NLGN4X: variants seen among roughly 807,000 people sequenced by gnomAD.
The protein encoded by NLGN4X is neuroligin-4, X-linked.
NLGN4X carries 3 observed loss-of-function variants against 40.3 expected under a neutral mutation model. That is an observed-to-expected ratio of 0.07 (90% CI 0.03 to 0.19). NLGN4X has a LOEUF of 0.19. Among genes scored for constraint, NLGN4X ranks in the 10% least tolerant of loss-of-function variants. The pLI, the probability that NLGN4X is intolerant of heterozygous loss-of-function variation, is 1.00. For missense variants in NLGN4X, 382 were observed against 708.3 expected, an observed-to-expected ratio of 0.54 and a Z score of 5.23; for synonymous variants, 270 against 306.8, an observed-to-expected ratio of 0.88 and a Z score of 1.25.
chrX:5,990,895 A>G (rs1209366966), intron 3 of NLGN4X, among the ~76,000 whole-genome samples: 1 of 112,220 alleles, frequency 8.9e-6, no homozygotes, highest in East Asian at 2.8e-4. Context: ...TGCAGAGTGT[A>G]TCTAGGGCTA....
At chrX:6,215,159 C>A (rs1295378267) in intron 1 of NLGN4X, among the ~76,000 whole-genome samples, 1 of 112,480 alleles carries the variant, frequency 8.9e-6, no homozygotes, top group East Asian at 2.8e-4. Flanking sequence ...TTTAAAATTA[C>A]TTCTAATTTT....
chrX:6,180,668 A>G (rs991257072), intron 1 of NLGN4X, among the ~76,000 whole-genome samples: 3 of 111,557 alleles, frequency 2.7e-5, no homozygotes, highest in Non-Finnish European at 3.8e-5. Context: ...CTAGGTAACT[A>G]GCACTGAATG....
chrX:6,182,491 G>A (rs778241867), intron 1 of NLGN4X, among the ~76,000 whole-genome samples: 3 of 112,145 alleles, frequency 2.7e-5, no homozygotes, highest in South Asian at 7.5e-4. Context: ...TCAATCATAC[G>A]ATTATAGCAT....
intron 3 of NLGN4X, among the ~76,000 whole-genome samples, chrX:5,987,206 TG>T (rs2035554318): frequency 8.9e-6 from 1 of 111,838 alleles, no homozygotes; most frequent in Non-Finnish European, 1.9e-5. Context: ...GTATTATGCA[TG>T]AAAAAAACAC....
intron 2 of NLGN4X, among the ~76,000 whole-genome samples, chrX:6,085,719 G>A (rs1442797586): frequency 8.9e-6 from 1 of 112,411 alleles, no homozygotes; most frequent in Non-Finnish European, 1.9e-5. Flanking sequence ...ACAGGCTTAA[G>A]TAATGCTTTC....
rs139390822 is a variant in NLGN4X, at chrX:6,204,347, C to T, written c.-306+24194G>A. Among the ~76,000 whole-genome samples, 213 of 111,869 alleles carry T rather than the reference C, an allele frequency of 1.9e-3. 2 individuals are homozygous for T. The highest frequency in any genetic ancestry group is 3.5e-3 in the Non-Finnish European group (185 of 53,190). ...ATGGGGAAATAAATAATGCCCAGCA[C>T]GTCAATGAGTTTTTATGGTTGTTGT... On this transcript the variant is annotated intron_variant, in intron 1 of 5. Coordinates refer to ENST00000381095, the MANE Select transcript of NLGN4X (RefSeq NM_181332.3).
intron 3 of NLGN4X, among the ~76,000 whole-genome samples, chrX:5,971,590 T>A (rs2035021019): frequency 8.9e-6 from 1 of 111,750 alleles, no homozygotes; most frequent in Non-Finnish European, 1.9e-5. Flanking sequence ...TGGTAGATGT[T>A]CATTCACCAC....
rs1370177389 is a variant in NLGN4X at position 6,119,154 on chromosome X, C to A, written c.472+31841G>T. ...CTGTCCACTGTGGTCTACTATTTCA[C>A]TACAATTATCAGCACCTAGAAAAGT... On this transcript the variant is annotated intron_variant, in intron 2 of 5. Transcript: ENST00000381095. Among the ~76,000 whole-genome samples, 6 of 112,013 alleles carry A rather than the reference C, an allele frequency of 5.4e-5. No individual in the cohort carries two copies. The Admixed American group carries it at 5.7e-4, about 11-fold the overall frequency.
intron 2 of NLGN4X, among the ~76,000 whole-genome samples, chrX:6,120,128 T>C (rs772854190): frequency 9.0e-6 from 1 of 111,152 alleles, no homozygotes; most frequent in South Asian, 3.9e-4. Context: ...TGAGCCATGA[T>C]TGCACCACTG....
intron 3 of NLGN4X, among the ~76,000 whole-genome samples, chrX:5,987,763 C>A (rs1393982882): frequency 1.8e-5 from 2 of 111,963 alleles, no homozygotes; most frequent in Non-Finnish European, 3.8e-5. Flanking sequence ...TTTCTGTTTT[C>A]CACTTCCTGT....
chrX:5,906,633 C>A (rs1326061279), intron 4 of NLGN4X, among the ~76,000 whole-genome samples: 1 of 111,395 alleles, frequency 9.0e-6, no homozygotes, highest in Non-Finnish European at 1.9e-5. Flanking sequence ...ACCTCAGCCC[C>A]CCAAGTAACT....
intron 1 of NLGN4X, among the ~76,000 whole-genome samples, chrX:6,180,737 G>A (rs1236394648): frequency 2.7e-5 from 3 of 110,573 alleles, no homozygotes; most frequent in Non-Finnish European, 5.7e-5. Context: ...AAAAAAAAAT[G>A]TCTCAGAGTT....
chrX:5,977,778 G>A (rs926734169), intron 3 of NLGN4X, among the ~76,000 whole-genome samples: 1 of 111,129 alleles, frequency 9.0e-6, no homozygotes, highest in African/African-American at 3.3e-5. Flanking sequence ...AGATGAGCAC[G>A]GTCTTCTCCT....
At chrX:5,960,802 T>G (rs2034635032) in intron 3 of NLGN4X, among the ~76,000 whole-genome samples, 1 of 111,380 alleles carries the variant, frequency 9.0e-6, no homozygotes, top group Non-Finnish European at 1.9e-5. Context: ...TTCTTCTTAA[T>G]CAGTTTGCCA....
At chrX:5,943,357 C>T (rs1601927471) in intron 3 of NLGN4X, among the ~76,000 whole-genome samples, 1 of 111,936 alleles carries the variant, frequency 8.9e-6, no homozygotes, top group Non-Finnish European at 1.9e-5. Context: ...GGAAGAAACA[C>T]AGCCTTTCTG....
chrX:6,119,352 G>A (rs1315422009), intron 2 of NLGN4X, among the ~76,000 whole-genome samples: 1 of 112,279 alleles, frequency 8.9e-6, no homozygotes, highest in African/African-American at 3.2e-5. Flanking sequence ...AACAGCAACA[G>A]AAATAAATTT....
At chrX:6,222,241 C>T (rs974124556) in intron 1 of NLGN4X, among the ~76,000 whole-genome samples, 1 of 110,581 alleles carries the variant, frequency 9.0e-6, no homozygotes, top group African/African-American at 3.3e-5. Context: ...ATGTGGGAGC[C>T]GGACAGATGC....
chrX:6,030,039 A>C (rs1189615979), intron 2 of NLGN4X, among the ~76,000 whole-genome samples: 2 of 111,617 alleles, frequency 1.8e-5, no homozygotes, highest in Admixed American at 1.9e-4. Flanking sequence ...AAGATGTCCA[A>C]GCAAATGTCT....
chrX:6,113,797 T>C (rs1200442214), intron 2 of NLGN4X, among the ~76,000 whole-genome samples: 1 of 111,051 alleles, frequency 9.0e-6, no homozygotes, highest in African/African-American at 3.3e-5. Context: ...TAGATCTACC[T>C]CTGGGTTTTT....
Sources: gnomAD v4.1 joint callset for allele counts (sites outside exome capture counted in the v4.1 genomes callset) on GRCh38, gnomAD v4.1.1 for gene constraint, MANE v1.5 for transcripts, NCBI Gene and HGNC (gene_info 2026-07-23, HGNC 2026-07-21) for gene names.